Variants in MMD2 observed in about 807,000 individuals in gnomAD.
MMD2 encodes the protein monocyte to macrophage differentiation associated 2.
Under a neutral mutation model 33.5 loss-of-function variants are expected in MMD2, and 30 were observed. The observed-to-expected ratio is 0.90, with a 90% CI of 0.67 to 1.22. The LOEUF (loss-of-function observed/expected upper bound fraction) is 1.22. Among genes scored for constraint, MMD2 ranks in the 50% most tolerant of loss-of-function variants. The pLI is 0.00. For synonymous variants in MMD2, 129 were observed against 123.0 expected (o/e 1.05, Z -0.32); for missense variants, 364 against 325.4 (o/e 1.12, Z -0.91).
intron 1 of MMD2, among the ~76,000 whole-genome samples, chr7:4,949,264 A>G (rs1219186694): frequency 1.3e-5 from 2 of 152,082 alleles, no homozygotes; most frequent in East Asian, 3.9e-4. Context: ...GCTATCAAAT[A>G]TTAGGTCTTA....
At position 4,907,416 on chromosome 7, in the gene MMD2, G is replaced by C. The variant is rs755159997; in HGVS notation, c.721C>G (p.Gln241Glu). The change falls in exon 7 of 7, where the codon CAG becomes GAG. Residue 241 changes from glutamine (Q) to glutamate (E), a missense_variant. By Grantham distance (29) the Gln-to-Glu change is conservative. Transcript: ENST00000401401. ...WRYLYLPSTL[Q>E]TKVSK ...TCACCTCATTTGGACACCTTGGTCTGCAGGGTGCTGGGCAGATAGAGGTAC... is the reference window on the plus strand; with the variant it reads ...TCACCTCATTTGGACACCTTGGTCTCCAGGGTGCTGGGCAGATAGAGGTAC... The C allele has an allele frequency of 5.6e-6, 9 of 1,613,874 alleles. No homozygotes were observed. Among genetic ancestry groups the C allele is most frequent in the Non-Finnish European group, 6.8e-6 (8 of 1,179,894 alleles).
intron 1 of MMD2, among the ~76,000 whole-genome samples, chr7:4,929,737 T>C (rs1583379414): frequency 6.6e-6 from 1 of 151,934 alleles, no homozygotes; most frequent in South Asian, 2.1e-4. Context: ...GTTGGCCAGG[T>C]TGGTCTCAAT....
chr7:4,948,187 A>G (rs1040128638), intron 1 of MMD2, among the ~76,000 whole-genome samples: 6 of 152,160 alleles, frequency 3.9e-5, no homozygotes, highest in African/African-American at 1.4e-4. Flanking sequence ...AACCATATCA[A>G]ACTCTATACA....
At chr7:4,899,054 G>A in the MMD2 span, among the ~76,000 whole-genome samples, 1 of 152,166 alleles carries the variant, frequency 6.6e-6, no homozygotes, top group African/African-American at 2.4e-5. Flanking sequence ...GCATCTTCAC[G>A]AATGGGATTA....
chr7:4,909,642 C>T (rs1165766161), intron 6 of MMD2: 2 of 700,110 alleles, frequency 2.9e-6, no homozygotes, highest in African/African-American at 1.8e-5. Context: ...TGCTATGTTG[C>T]CCAGGCTGGT....
At chr7:4,897,436 A>G in the MMD2 span, among the ~76,000 whole-genome samples, 1 of 152,192 alleles carries the variant, frequency 6.6e-6, no homozygotes, top group Non-Finnish European at 1.5e-5. Context: ...TTTTTTTAAA[A>G]GTCATGCCGC....
intron 3 of MMD2, among the ~76,000 whole-genome samples, chr7:4,919,539 G>A (rs1017690749): frequency 3.3e-5 from 5 of 152,130 alleles, no homozygotes; most frequent in African/African-American, 1.2e-4. Flanking sequence ...CTGCACTCCA[G>A]CCTGGGCAAC....
chr7:4,944,005 A>G (rs755378956), intron 1 of MMD2, among the ~76,000 whole-genome samples: 9 of 151,594 alleles, frequency 5.9e-5, no homozygotes, highest in Non-Finnish European at 1.2e-4. Flanking sequence ...AGGTCTCACT[A>G]TGTTGCTCAC....
intron 5 of MMD2, 90 bp from the exon 6 acceptor site, chr7:4,910,040 ACT>A: frequency 6.2e-7 from 1 of 1,613,360 alleles, no homozygotes; most frequent in African/African-American, 1.3e-5. Context: ...AAGAGGGAAC[ACT>A]CTGGCCAGAA....
chr7:4,904,598 G>T, downstream of MMD2, among the ~76,000 whole-genome samples: 1 of 152,120 alleles, frequency 6.6e-6, no homozygotes, highest in Admixed American at 6.6e-5. Context: ...TAGGATCAGG[G>T]GTTGCTTTCC....
chr7:4,892,458 G>A, the MMD2 span, among the ~76,000 whole-genome samples: 1 of 151,478 alleles, frequency 6.6e-6, no homozygotes, highest in African/African-American at 2.4e-5. Context: ...CATGGTGGTG[G>A]GTGCCTGTAG....
chr7:4,951,502 T>A (rs748273667), intron 1 of MMD2, among the ~76,000 whole-genome samples: 3 of 152,112 alleles, frequency 2.0e-5, no homozygotes, highest in Non-Finnish European at 2.9e-5. Flanking sequence ...CTATTCATCC[T>A]GAAGAGCCCA....
intron 1 of MMD2, among the ~76,000 whole-genome samples, chr7:4,928,274 T>A (rs1785485049): frequency 6.6e-6 from 1 of 152,144 alleles, no homozygotes. Context: ...TATATATGGG[T>A]CACTAAGCAT....
intron 1 of MMD2, among the ~76,000 whole-genome samples, chr7:4,954,188 G>T (rs1453081709): frequency 6.6e-6 from 1 of 152,156 alleles, no homozygotes; most frequent in East Asian, 1.9e-4. Context: ...CATTGTCTTG[G>T]TTACCACTGC....
chr7:4,894,934 G>A, the MMD2 span, among the ~76,000 whole-genome samples: 1 of 152,160 alleles, frequency 6.6e-6, no homozygotes, highest in Non-Finnish European at 1.5e-5. This position sits in a 1 kb window ranked among gnomAD's most constrained non-coding sequence, Gnocchi z 4.3. Context: ...AATTGGAAAG[G>A]GGATCCTGTG....
chr7:4,936,161 G>GA (rs1266359420), intron 1 of MMD2, among the ~76,000 whole-genome samples: 1 of 150,024 alleles, frequency 6.7e-6, no homozygotes, highest in Non-Finnish European at 1.5e-5. Flanking sequence ...CTCCAGTCTG[G>GA]GTGACGAGAA....
chr7:4,902,215 G>A (rs1282453339), downstream of MMD2, among the ~76,000 whole-genome samples: 1 of 152,200 alleles, frequency 6.6e-6, no homozygotes, highest in Non-Finnish European at 1.5e-5. Context: ...GCCTCCCAAA[G>A]TGCTGGGATT....
chr7:4,892,935 C>G, the MMD2 span, among the ~76,000 whole-genome samples: 1 of 152,044 alleles, frequency 6.6e-6, no homozygotes, highest in Non-Finnish European at 1.5e-5. Context: ...AGGCTGGTCT[C>G]GAACTCCTGA....
At chr7:4,908,754 G>A (rs143826736) in intron 6 of MMD2, among the ~76,000 whole-genome samples, 90 of 151,922 alleles carry the variant, frequency 5.9e-4, no homozygotes, top group African/African-American at 1.8e-3. Flanking sequence ...ATAATTAGCC[G>A]AGAGTGGTGG....
Sources: gnomAD v4.1 joint callset for allele counts (sites outside exome capture counted in the v4.1 genomes callset) on GRCh38, gnomAD v4.1.1 for gene constraint, Gnocchi (gnomAD v3.1) non-coding constraint, MANE v1.5 for transcripts, NCBI Gene and HGNC (gene_info 2026-07-23, HGNC 2026-07-21) for gene names.